PLXDC2: variants seen among roughly 807,000 people sequenced by gnomAD.
PLXDC2 encodes plexin domain-containing protein 2.
Under a neutral mutation model 68.9 loss-of-function variants are expected in PLXDC2, and 40 were observed. The observed-to-expected ratio is 0.58, with a 90% CI of 0.45 to 0.76. PLXDC2 has a LOEUF of 0.76. Among genes scored for constraint, PLXDC2 ranks in the 30% least tolerant of loss-of-function variants. PLXDC2 has a pLI of 0.00. For missense variants in PLXDC2, 644 were observed against 661.9 expected, an observed-to-expected ratio of 0.97 and a Z score of 0.30; for synonymous variants, 243 against 234.2, an observed-to-expected ratio of 1.04 and a Z score of -0.34.
intron 2 of PLXDC2, among the ~76,000 whole-genome samples, chr10:20,039,834 C>T (rs532141125): frequency 1.5e-4 from 23 of 152,244 alleles, no homozygotes; most frequent in Non-Finnish European, 2.5e-4. Flanking sequence ...AAATATCTTC[C>T]ACCCATATCT....
chr10:19,882,366 A>G (rs1166763906), intron 1 of PLXDC2, among the ~76,000 whole-genome samples: 2 of 152,246 alleles, frequency 1.3e-5, no homozygotes, highest in Non-Finnish European at 2.9e-5. Flanking sequence ...CCATTCTCTA[A>G]TTAAGGAAAA....
chr10:20,068,289 AG>A (rs1836251515), intron 4 of PLXDC2, 50 bp downstream of exon 4: 1 of 1,425,490 alleles, frequency 7.0e-7, no homozygotes, highest in Admixed American at 1.9e-5. Flanking sequence ...GTTTGACTGC[AG>A]TTATTATTTT....
At chr10:20,204,451 G>A (rs764856570) in intron 9 of PLXDC2, among the ~76,000 whole-genome samples, 14 of 151,672 alleles carry the variant, frequency 9.2e-5, no homozygotes, top group East Asian at 1.9e-4. Context: ...CTTTGATTCT[G>A]GAGGATCATT....
At chr10:19,883,157 T>C (rs1837765554) in intron 1 of PLXDC2, among the ~76,000 whole-genome samples, 2 of 151,882 alleles carry the variant, frequency 1.3e-5, no homozygotes, top group Non-Finnish European at 2.9e-5. Context: ...AGAGATGGGG[T>C]TTCACTGTGT....
At chr10:20,224,632 C>A (rs781552786) in intron 12 of PLXDC2, among the ~76,000 whole-genome samples, 29 of 152,226 alleles carry the variant, frequency 1.9e-4, no homozygotes, top group African/African-American at 6.3e-4. Context: ...AGTCTTCAAC[C>A]AGATTCAACT....
chr10:19,904,014 TTTCCAATTTTA>T (rs770527647), intron 1 of PLXDC2, among the ~76,000 whole-genome samples: 13 of 152,186 alleles, frequency 8.5e-5, no homozygotes, highest in East Asian at 5.8e-4. Context: ...TTGGAGATGA[TTTCCAATTTTA>T]TTCCACTACG....
At chr10:20,110,669 C>T (rs954373861) in intron 4 of PLXDC2, among the ~76,000 whole-genome samples, 8 of 152,136 alleles carry the variant, frequency 5.3e-5, no homozygotes, top group African/African-American at 1.4e-4. Flanking sequence ...CTCCTTGTGC[C>T]CCCACACTGT....
chr10:19,947,844 C>T (rs747470803), intron 1 of PLXDC2, among the ~76,000 whole-genome samples: 8 of 151,342 alleles, frequency 5.3e-5, no homozygotes, highest in Non-Finnish European at 1.0e-4. Flanking sequence ...AGGTTTCGTT[C>T]GTGTTTGAGT....
intron 1 of PLXDC2, among the ~76,000 whole-genome samples, chr10:19,966,661 C>T (rs1285447937): frequency 6.6e-6 from 1 of 152,090 alleles, no homozygotes; most frequent in Non-Finnish European, 1.5e-5. Flanking sequence ...TCTTTCTCTT[C>T]CTTTTCCTTC....
At chr10:20,231,564 A>G (rs1274221839) in intron 12 of PLXDC2, among the ~76,000 whole-genome samples, 4 of 151,770 alleles carry the variant, frequency 2.6e-5, no homozygotes, top group Non-Finnish European at 5.9e-5. Context: ...TATTAAAAAT[A>G]TTAATTTTAA....
chr10:19,830,699 G>A (rs1160934102), intron 1 of PLXDC2, among the ~76,000 whole-genome samples: 1 of 151,810 alleles, frequency 6.6e-6, no homozygotes, highest in East Asian at 1.9e-4. Context: ...TGGACCTCAG[G>A]CTAACTGGTC....
chr10:19,820,290 A>T (rs555187382), intron 1 of PLXDC2, among the ~76,000 whole-genome samples: 2 of 152,324 alleles, frequency 1.3e-5, no homozygotes, highest in African/African-American at 4.8e-5. Flanking sequence ...ATTTTGCTCC[A>T]GACAGGTTTC....
intron 1 of PLXDC2, among the ~76,000 whole-genome samples, chr10:19,828,881 G>C (rs1170388660): frequency 1.3e-5 from 2 of 152,014 alleles, no homozygotes; most frequent in African/African-American, 4.8e-5. Context: ...GACTGCAAAG[G>C]CTTCCCACCT....
At chr10:20,212,500 G>A (rs1288118393) in intron 10 of PLXDC2, among the ~76,000 whole-genome samples, 1 of 151,936 alleles carries the variant, frequency 6.6e-6, no homozygotes, top group Admixed American at 6.6e-5. Context: ...ATCCTATAAA[G>A]TTTATGAAGA....
intron 1 of PLXDC2, among the ~76,000 whole-genome samples, chr10:19,940,115 A>T (rs1035484808): frequency 6.6e-6 from 1 of 151,820 alleles, no homozygotes; most frequent in Non-Finnish European, 1.5e-5. Flanking sequence ...AGAGGGTCTT[A>T]TCATTGGGCA....
chr10:20,097,676 A>G (rs1833369143), intron 4 of PLXDC2, among the ~76,000 whole-genome samples: 1 of 152,100 alleles, frequency 6.6e-6, no homozygotes, highest in African/African-American at 2.4e-5. Context: ...CTACTTTTGA[A>G]AACACTCAGG....
chr10:20,171,683 C>G (rs965942032), intron 7 of PLXDC2, among the ~76,000 whole-genome samples: 3 of 152,036 alleles, frequency 2.0e-5, no homozygotes, highest in African/African-American at 7.2e-5. Flanking sequence ...GAGAATTTTT[C>G]TAAAATTTTT....
intron 1 of PLXDC2, among the ~76,000 whole-genome samples, chr10:19,856,391 C>G (rs560999567): frequency 6.6e-6 from 1 of 151,380 alleles, no homozygotes; most frequent in South Asian, 2.1e-4. Flanking sequence ...CACACACACA[C>G]ACACACACAC....
At chr10:20,272,116 C>CT (rs1835948235) in intron 13 of PLXDC2, among the ~76,000 whole-genome samples, 1 of 151,784 alleles carries the variant, frequency 6.6e-6, no homozygotes, top group Admixed American at 6.6e-5. Flanking sequence ...GGGAAGGGCC[C>CT]TTTTTCAGGG....
Sources: allele counts gnomAD v4.1 joint callset (sites outside exome capture counted in the v4.1 genomes callset), GRCh38; gene constraint gnomAD v4.1.1; transcripts MANE v1.5; gene names NCBI Gene and HGNC (gene_info 2026-07-23, HGNC 2026-07-21).